Variants in SYT12 observed in about 807,000 individuals in gnomAD.
The protein encoded by SYT12 is synaptotagmin-12.
A neutral mutation model predicts 39.5 loss-of-function variants in SYT12; 27 were observed. The ratio of observed to expected loss-of-function variants is 0.68; its 90% CI spans 0.50 to 0.94. The LOEUF (loss-of-function observed/expected upper bound fraction) is 0.94, where lower values mean the gene tolerates loss of function less well. Ranked by LOEUF, SYT12 falls within the 40% of genes least tolerant of loss-of-function variation. The probability of loss-of-function intolerance (pLI) is 0.00; values close to 1 mark genes in which losing one functional copy is unlikely to be tolerated. For synonymous variants in SYT12, 233 were observed against 239.7 expected (o/e 0.97, Z 0.26); for missense variants, 536 against 572.6 (o/e 0.94, Z 0.65).
Position 67,040,048 on chromosome 11 carries a change from G to C in SYT12, c.466G>C (p.Val156Leu), listed in dbSNP as rs775683306. 10 of 1,614,008 alleles carry C rather than the reference G, an allele frequency of 6.2e-6. No homozygotes were observed. The highest frequency in any genetic ancestry group is 6.8e-6 in the Non-Finnish European group (8 of 1,180,034). Residue 156 changes from valine to leucine, a missense_variant, in exon 4 of 8, where the codon GTG (valine) becomes CTG (leucine). Transcript: ENST00000527043. The stretch of plus-strand genomic sequence containing the variant: ...TGGGCAGGACTTCACACTGGGCCAG[G>C]TGGAGGTGAGCATGGAGTACGACAC... ...TFGQDFTLGQVEVSMEYDTAS... is the reference protein window; with the variant it reads ...TFGQDFTLGQLEVSMEYDTAS...
chr11:67,011,700 C>T (rs1432546643), intron 3 of SYT12, among the ~76,000 whole-genome samples: 12 of 152,118 alleles, frequency 7.9e-5, no homozygotes, highest in Admixed American at 5.2e-4. Flanking sequence ...CTTTTCCCAC[C>T]CACCTTGCCT....
chr11:67,011,818 T>C (rs899071188), intron 3 of SYT12, among the ~76,000 whole-genome samples: 1 of 151,786 alleles, frequency 6.6e-6, no homozygotes, highest in Admixed American at 6.6e-5. Context: ...CAGGCTGGAG[T>C]GCAGTGGCAC....
intron 1 of SYT12, 99 bp from the exon 2 acceptor site, chr11:67,030,023 G>T: frequency 1.9e-6 from 2 of 1,066,296 alleles, no homozygotes; most frequent in Non-Finnish European, 1.4e-6. Context: ...CTGAGTGTAA[G>T]CTCTGGATGA....
At chr11:67,012,760 A>G (rs1453655015) in intron 3 of SYT12, among the ~76,000 whole-genome samples, 1 of 152,106 alleles carries the variant, frequency 6.6e-6, no homozygotes, top group African/African-American at 2.4e-5. Context: ...TATTAACTAC[A>G]TTTTGCAGTT....
intron 7 of SYT12, among the ~76,000 whole-genome samples, chr11:67,046,809 G>A (rs1227367911): frequency 1.3e-5 from 2 of 152,166 alleles, no homozygotes; most frequent in Admixed American, 6.5e-5. Context: ...TTCAGCTCCC[G>A]CTCTCATCTC....
At chr11:67,044,871 G>T (rs564551101) in intron 6 of SYT12, among the ~76,000 whole-genome samples, 158 bp downstream of exon 6, 23 of 152,266 alleles carry the variant, frequency 1.5e-4, no homozygotes, top group African/African-American at 5.3e-4. Context: ...AGATGGATAG[G>T]GGGTGGCATG....
intron 3 of SYT12, among the ~76,000 whole-genome samples, chr11:67,013,370 C>T (rs191995909): frequency 6.6e-6 from 1 of 152,284 alleles, no homozygotes; most frequent in Non-Finnish European, 1.5e-5. Context: ...GGTGCTGGTC[C>T]TCAGGGCGCT....
intron 4 of SYT12, among the ~76,000 whole-genome samples, chr11:67,040,456 T>G (rs1950489815): frequency 6.6e-6 from 1 of 152,174 alleles, no homozygotes; most frequent in Non-Finnish European, 1.5e-5. Flanking sequence ...ATGTGGCAAC[T>G]GTCGTTGTCC....
chr11:67,039,669 C>T (rs748147475), intron 3 of SYT12, 142 bp from the exon 4 acceptor site: 1 of 1,025,012 alleles, frequency 9.8e-7, no homozygotes, highest in Non-Finnish European at 1.4e-6. Context: ...AGCGACCTTC[C>T]TAGCTAAGGG....
At position 67,047,777 on chromosome 11, in the gene SYT12, CTTTTTTTTTT is replaced by C. The variant is rs1173796349; in HGVS notation, c.1093-788_1093-779del. Among the ~76,000 whole-genome samples, 179 of 76,048 alleles carry C rather than the reference CTTTTTTTTTT, an allele frequency of 2.4e-3. 1 individual carries two copies. Among genetic ancestry groups the C allele is most frequent in the African/African-American group, 0.011 (167 of 15,868 alleles). The allele number at this position is 76,048 out of a possible 152,430, so 49.9% of individuals were successfully genotyped here. ...GGCCAACATGATGAAACCCCCATCT[CTTTTTTTTTT>C]TTTTTTTTTTTTTTTTTTGAGACGG... On this transcript the variant is annotated intron_variant, in intron 7 of 7. Transcript: ENST00000527043.
At chr11:67,035,679 G>A (rs189916429) in intron 3 of SYT12, among the ~76,000 whole-genome samples, 1,682 of 151,130 alleles carry the variant, frequency 0.011, 15 homozygotes, top group Non-Finnish European at 0.017. Context: ...GGATGGTCTC[G>A]ATCTCCTGAC....
At chr11:67,044,458 G>A in intron 5 of SYT12, 135 bp from the exon 6 acceptor site, 3 of 1,237,032 alleles carry the variant, frequency 2.4e-6, no homozygotes, top group Non-Finnish European at 3.3e-6. Context: ...CTGGAGCCCT[G>A]TGGTAAGGGG....
At chr11:67,012,529 C>T (rs565487714) in intron 3 of SYT12, among the ~76,000 whole-genome samples, 109 of 152,168 alleles carry the variant, frequency 7.2e-4, no homozygotes, top group Admixed American at 3.4e-3. Context: ...CCTCTTCCAT[C>T]AGATTATGAG....
At chr11:67,028,247 T>C (rs1237612773) in intron 1 of SYT12, 1 of 152,180 alleles carries the variant, frequency 6.6e-6, no homozygotes, top group Admixed American at 6.5e-5. Context: ...TAAGAAGGGC[T>C]CGACAAGGTT....
intron 3 of SYT12, among the ~76,000 whole-genome samples, chr11:67,012,251 A>T (rs533743942): frequency 2.6e-5 from 4 of 152,004 alleles, no homozygotes; most frequent in African/African-American, 9.6e-5. Context: ...TGTGCCTGTA[A>T]TCCCAGCTAC....
intron 1 of SYT12, chr11:67,029,639 A>C (rs1950230276): frequency 1.3e-5 from 2 of 153,484 alleles, no homozygotes; most frequent in Admixed American, 1.3e-4. Context: ...GGATCACCTG[A>C]GGCCAGGAGT....
chr11:67,013,173 G>A (rs1482841122), intron 3 of SYT12, among the ~76,000 whole-genome samples: 1 of 152,186 alleles, frequency 6.6e-6, no homozygotes, highest in Non-Finnish European at 1.5e-5. Context: ...AGGTTGCAAA[G>A]GGGTCTTCAG....
At chr11:67,026,073 TA>T (rs967049274) in intron 1 of SYT12, among the ~76,000 whole-genome samples, 87 of 144,588 alleles carry the variant, frequency 6.0e-4, no homozygotes, top group East Asian at 4.0e-3. Context: ...ATAAATTAAT[TA>T]AAAAAAAAAA....
Position 67,039,188 on chromosome 11 carries a change from G to A in SYT12, c.229-623G>A, listed in dbSNP as rs189499015. On this transcript the variant is annotated intron_variant, in intron 3 of 7. Transcript: ENST00000527043. ...CGTGGTGGTGTGCACCTGTAATCCC[G>A]GGTCCTCAGGAGGCTGAGGCAGGAG... 3.4e-5 allele frequency among the ~76,000 whole-genome samples: 5 copies of A among 148,424 alleles called. No homozygotes were observed. In the South Asian group the frequency reaches 6.5e-4, roughly 19 times the overall value.
Sources: gnomAD v4.1 joint callset for allele counts (sites outside exome capture counted in the v4.1 genomes callset) on GRCh38, gnomAD v4.1.1 for gene constraint, MANE v1.5 for transcripts, NCBI Gene and HGNC (gene_info 2026-07-23, HGNC 2026-07-21) for gene names.